The following STK32B variants were observed in gnomAD, a reference collection of about 807,000 sequenced individuals.
STK32B encodes the protein serine/threonine-protein kinase 32B.
STK32B carries 43 observed loss-of-function variants against 52.6 expected under a neutral mutation model. The observed-to-expected ratio is 0.82, with a 90% CI of 0.64 to 1.05. The LOEUF is 1.05. Among genes scored for constraint, STK32B ranks in the 50% least tolerant of loss-of-function variants. The pLI, the probability that STK32B is intolerant of heterozygous loss-of-function variation, is 0.00. For missense variants in STK32B, 621 were observed against 534.6 expected, an observed-to-expected ratio of 1.16 and a Z score of -1.59; for synonymous variants, 238 against 204.3, an observed-to-expected ratio of 1.17 and a Z score of -1.41.
rs78175486 is a variant in STK32B at position 5,164,347 on chromosome 4, C to T, written c.109-3952C>T. Among the ~76,000 whole-genome samples, 515 of 152,206 alleles carry T rather than the reference C, an allele frequency of 3.4e-3. 5 individuals carry two copies. The highest frequency in any genetic ancestry group is 0.012 in the African/African-American group (483 of 41,524). ...GCATCCGTCCTCACATAGCCTTCCG[C>T]CTGGATGTGTCTCCTCCCCTTCTCT... is the stretch of plus-strand genomic sequence containing the variant. On this transcript the variant is annotated intron_variant, in intron 2 of 11. Transcript: ENST00000282908.
rs1245054115 is a variant in STK32B at position 5,159,674 on chromosome 4, A to AAT, written c.109-8616_109-8615dup. ...ATGAATATATATATGAATGTATATGAATATATATATGAATATATATGAATA... is the reference window on the plus strand; with the variant it reads ...ATGAATATATATATGAATGTATATGAATATATATATATGAATATATATGAATA... On this transcript the variant is annotated intron_variant, in intron 2 of 11. Transcript: ENST00000282908. Among the ~76,000 whole-genome samples, 9 of 58,996 alleles carry AAT rather than the reference A, an allele frequency of 1.5e-4. 2 individuals carry two copies. The East Asian group carries it at 2.2e-3, about 14-fold the overall frequency. The allele number at this position is 58,996 out of a possible 152,430, so 38.7% of individuals were successfully genotyped here. A position where few individuals can be genotyped will look rare whatever the true frequency, so the allele number is the denominator to read the frequency against.
At chr4:5,230,820 T>G (rs1312884944) in intron 3 of STK32B, among the ~76,000 whole-genome samples, 2 of 152,090 alleles carry the variant, frequency 1.3e-5, no homozygotes, top group Admixed American at 1.3e-4. Flanking sequence ...ACAGAAAATT[T>G]TCCCAGAACA....
intron 3 of STK32B, among the ~76,000 whole-genome samples, chr4:5,224,503 G>T (rs958412466): frequency 1.3e-5 from 2 of 152,162 alleles, no homozygotes; most frequent in African/African-American, 4.8e-5. Context: ...GTGACTCACT[G>T]TCCCCAAGCT....
At chr4:5,170,981 T>G (rs903515224) in intron 3 of STK32B, among the ~76,000 whole-genome samples, 1 of 152,230 alleles carries the variant, frequency 6.6e-6, no homozygotes. Context: ...GTTTCCTGAC[T>G]TTTTAATGAT....
intron 3 of STK32B, among the ~76,000 whole-genome samples, chr4:5,223,910 C>CCTTTCCT (rs1251990274): frequency 6.6e-6 from 1 of 151,190 alleles, no homozygotes; most frequent in Non-Finnish European, 1.5e-5. Context: ...ACCTGTTATT[C>CCTTTCCT]CTTTCCTCTT....
chr4:5,286,741 A>G (rs73087492), intron 3 of STK32B, among the ~76,000 whole-genome samples: 1 of 151,234 alleles, frequency 6.6e-6, no homozygotes, highest in African/African-American at 2.5e-5. Flanking sequence ...GACCTTTACA[A>G]ATAATTTTGC....
intron 1 of STK32B, among the ~76,000 whole-genome samples, chr4:5,116,669 T>C (rs993432687): frequency 1.3e-5 from 2 of 152,358 alleles, no homozygotes; most frequent in African/African-American, 4.8e-5. Flanking sequence ...TTAGGATTTC[T>C]ATTTCTGTGA....
At chr4:5,105,931 A>G (rs1022244534) in intron 1 of STK32B, among the ~76,000 whole-genome samples, 1 of 152,154 alleles carries the variant, frequency 6.6e-6, no homozygotes, top group Admixed American at 6.5e-5. Context: ...TTACTTTAAC[A>G]TTGTGAAGAT....
rs188240190 is a variant in STK32B at position 5,402,626 on chromosome 4, C to T, written c.472+4382C>T. Among the ~76,000 whole-genome samples the T allele has an allele frequency of 2.0e-5, 3 of 152,322 alleles. No homozygotes were observed. The East Asian group carries it at 5.8e-4, about 29-fold the overall frequency. The stretch of plus-strand genomic sequence containing the variant: ...TGTTCTCTGTCCTGGTGGCACATCA[C>T]CTGGGTCCTAAGACCCCACCTTGAG... On this transcript the variant is annotated intron_variant, in intron 5 of 11. Transcript: ENST00000282908.
At chr4:5,384,367 A>G (rs958813976) in intron 4 of STK32B, among the ~76,000 whole-genome samples, 4 of 151,948 alleles carry the variant, frequency 2.6e-5, no homozygotes, top group African/African-American at 9.7e-5. Context: ...TGGGGTGTGG[A>G]CAGTGTAGTC....
chr4:5,350,187 G>C (rs1368431772), intron 4 of STK32B, among the ~76,000 whole-genome samples: 1 of 150,912 alleles, frequency 6.6e-6, no homozygotes, highest in Non-Finnish European at 1.5e-5. Flanking sequence ...AATGTCAAAA[G>C]TCAAAGAAAT....
intron 11 of STK32B, among the ~76,000 whole-genome samples, chr4:5,483,518 T>C (rs572025916): frequency 6.6e-6 from 1 of 152,346 alleles, no homozygotes; most frequent in African/African-American, 2.4e-5. Context: ...ATCAATTTTG[T>C]TGACCTTTTC....
At position 5,317,350 on chromosome 4, in the gene STK32B, TAA is replaced by T. The variant is rs1281871316; in HGVS notation, c.261-13869_261-13868del. Reference sequence around the variant, plus strand: ...ATATTACATATATAATACATATATATAATATATATAATGTATATGTATTATAT... The same window carrying T: ...ATATTACATATATAATACATATATATTATATATAATGTATATGTATTATAT... On this transcript the variant is annotated intron_variant, in intron 3 of 11. Transcript: ENST00000282908. Among the ~76,000 whole-genome samples, 73 of 30,724 alleles carry T rather than the reference TAA, an allele frequency of 2.4e-3. 6 individuals carry two copies. Among genetic ancestry groups the T allele is most frequent in the African/African-American group, 0.012 (66 of 5,558 alleles). The allele number at this position is 30,724 out of a possible 152,430, so 20.2% of individuals were successfully genotyped here.
intron 1 of STK32B, among the ~76,000 whole-genome samples, chr4:5,109,259 G>A (rs1714265226): frequency 6.6e-6 from 1 of 152,112 alleles, no homozygotes; most frequent in Admixed American, 6.6e-5. Context: ...TAAGAGAAGG[G>A]GAAGGCAAAT....
chr4:5,036,413 G>C, the STK32B span, among the ~76,000 whole-genome samples: 2 of 152,090 alleles, frequency 1.3e-5, no homozygotes, highest in Non-Finnish European at 2.9e-5. Context: ...ATGCAAATTG[G>C]GTCCAGGTGT....
At chr4:5,131,366 A>G (rs909864596) in intron 1 of STK32B, among the ~76,000 whole-genome samples, 8 of 152,164 alleles carry the variant, frequency 5.3e-5, no homozygotes, top group Non-Finnish European at 1.0e-4. Context: ...TGGCAATTTT[A>G]TCTCCACCTG....
intron 3 of STK32B, among the ~76,000 whole-genome samples, chr4:5,177,766 C>G (rs555798450): frequency 6.6e-6 from 1 of 152,314 alleles, no homozygotes; most frequent in South Asian, 2.1e-4. Flanking sequence ...GTCCAAAATC[C>G]AACAGGGCAG....
chr4:5,300,520 C>T (rs1910388), intron 3 of STK32B, among the ~76,000 whole-genome samples: 20,944 of 152,108 alleles, frequency 0.14, 2,896 homozygotes, highest in African/African-American at 0.36. Flanking sequence ...CATTATTCTA[C>T]ACTTAGAAAA....
At chr4:5,478,116 A>G (rs1417842748) in intron 11 of STK32B, among the ~76,000 whole-genome samples, 1 of 152,202 alleles carries the variant, frequency 6.6e-6, no homozygotes, top group Non-Finnish European at 1.5e-5. Context: ...CTGAAAAGCC[A>G]TGTGACCTAC....
Sources: gnomAD v4.1 joint callset for allele counts (sites outside exome capture counted in the v4.1 genomes callset) on GRCh38, gnomAD v4.1.1 for gene constraint, MANE v1.5 for transcripts, NCBI Gene and HGNC (gene_info 2026-07-23, HGNC 2026-07-21) for gene names.